Variants in ANO10 observed in about 807,000 individuals in gnomAD.
ANO10 encodes anoctamin-10.
ANO10 carries 77 observed loss-of-function variants against 74.7 expected under a neutral mutation model. The observed-to-expected ratio is 1.03, with a 90% CI of 0.86 to 1.25. The LOEUF (loss-of-function observed/expected upper bound fraction) is 1.25, where lower values mean the gene tolerates loss of function less well. ANO10 is among the 50% of genes most tolerant of loss of function. ANO10 has a pLI of 0.00. For synonymous variants in ANO10, 279 were observed against 284.9 expected, an observed-to-expected ratio of 0.98 and a Z score of 0.21; for missense variants, 721 against 778.1, an observed-to-expected ratio of 0.93 and a Z score of 0.87.
intron 11 of ANO10, among the ~76,000 whole-genome samples, chr3:43,488,304 A>C (rs1157809547): frequency 6.7e-5 from 10 of 150,124 alleles, no homozygotes; most frequent in African/African-American, 1.5e-4. Flanking sequence ...GCAACAAAAG[A>C]CAAAATTGAC....
chr3:43,563,887 CGAGAGGTACAAACATACAATTA>C (rs2080177880), intron 8 of ANO10, among the ~76,000 whole-genome samples: 2 of 151,778 alleles, frequency 1.3e-5, no homozygotes, highest in African/African-American at 4.8e-5. Context: ...AGAAGCTGAT[CGAGAGGTACAAACATACAATTA>C]GAGAGAAGAA....
chr3:43,432,603 G>GCT lies in ANO10; in HGVS notation c.1914+6_1914+7dup. The stretch of plus-strand genomic sequence containing the variant: ...CAATACATACATTTTCAGGACAGCT[G>GCT]CTCTCACCTGCTGCTTGAGTGCCTC... On this transcript the variant is annotated splice_region_variant and intron_variant, in intron 12 of 12. Transcript: ENST00000292246. 6.3e-7 allele frequency: 1 copy of GCT among 1,583,458 alleles called. No individual in the cohort carries two copies.
At chr3:43,407,035 CTGGG>C (rs1188719050) in intron 12 of ANO10, among the ~76,000 whole-genome samples, 1 of 152,084 alleles carries the variant, frequency 6.6e-6, no homozygotes, top group Non-Finnish European at 1.5e-5. Flanking sequence ...TCCCAAGTAG[CTGGG>C]ACTACAGGCA....
chr3:43,507,505 G>T (rs1212510963), intron 11 of ANO10, among the ~76,000 whole-genome samples: 2 of 152,072 alleles, frequency 1.3e-5, no homozygotes, highest in African/African-American at 4.8e-5. Context: ...GTCCCTGGAA[G>T]TTTAGAAGCA....
intron 7 of ANO10, among the ~76,000 whole-genome samples, chr3:43,571,635 T>C (rs1275374959): frequency 5.6e-5 from 8 of 143,438 alleles, no homozygotes; most frequent in Admixed American, 1.5e-4. Flanking sequence ...AACTGAACAA[T>C]GAGATCACAT....
chr3:43,608,507 C>T (rs1409498988), intron 1 of ANO10, among the ~76,000 whole-genome samples: 1 of 152,114 alleles, frequency 6.6e-6, no homozygotes, highest in Non-Finnish European at 1.5e-5. Context: ...TCGAGTGATC[C>T]TTTAGCCTTG....
intron 10 of ANO10, among the ~76,000 whole-genome samples, chr3:43,552,238 G>A (rs1252474695): frequency 6.6e-6 from 1 of 152,044 alleles, no homozygotes; most frequent in Non-Finnish European, 1.5e-5. Flanking sequence ...TCTTGATATA[G>A]GGAAAAGAAT....
intron 11 of ANO10, among the ~76,000 whole-genome samples, chr3:43,498,732 GC>G (rs2076998942): frequency 6.6e-6 from 1 of 152,128 alleles, no homozygotes; most frequent in South Asian, 2.1e-4. Flanking sequence ...TTATTCTTGC[GC>G]ATCCCCAGGG....
intron 12 of ANO10, among the ~76,000 whole-genome samples, chr3:43,391,952 A>G (rs938959356): frequency 6.6e-6 from 1 of 152,200 alleles, no homozygotes; most frequent in Non-Finnish European, 1.5e-5. Flanking sequence ...GCAATAGATA[A>G]TATGGGATGG....
At chr3:43,674,754 G>T (rs2084100606) in intron 1 of ANO10, among the ~76,000 whole-genome samples, 2 of 152,182 alleles carry the variant, frequency 1.3e-5, no homozygotes, top group African/African-American at 4.8e-5. Context: ...GCCACAGGGA[G>T]TTCTGGAGCA....
chr3:43,462,015 T>A (rs2075399604), intron 11 of ANO10, among the ~76,000 whole-genome samples: 1 of 152,130 alleles, frequency 6.6e-6, no homozygotes, highest in Non-Finnish European at 1.5e-5. Context: ...TAGGCTGAGG[T>A]GGACTCAGAT....
intron 1 of ANO10, chr3:43,637,511 A>G (rs995011617): frequency 6.6e-6 from 1 of 152,164 alleles, no homozygotes; most frequent in Non-Finnish European, 1.5e-5. Flanking sequence ...CCAATTAAAA[A>G]CAATAGCATC....
intron 4 of ANO10, among the ~76,000 whole-genome samples, chr3:43,597,601 G>A (rs1471038654): frequency 3.3e-5 from 5 of 152,110 alleles, no homozygotes; most frequent in African/African-American, 1.2e-4. Flanking sequence ...ATCACACACC[G>A]GGGCCTGTTG....
rs568979794 is a variant in ANO10 at position 43,401,523 on chromosome 3, A to T, written c.1914+31088T>A. 8.3e-3 allele frequency among the ~76,000 whole-genome samples: 1,261 copies of T among 152,318 alleles called. 9 individuals are homozygous for T. Among genetic ancestry groups the T allele is most frequent in the Non-Finnish European group, 0.011 (778 of 68,024 alleles). On this transcript the variant is annotated intron_variant, in intron 12 of 12. Transcript: ENST00000292246. ...TTAATTTTGATCTAGCTGCTTACAC[A>T]CAGTTTTAATTCATTCAGTCATTTC... is the stretch of plus-strand genomic sequence containing the variant.
intron 12 of ANO10, among the ~76,000 whole-genome samples, chr3:43,381,720 T>G (rs1055526078): frequency 3.9e-5 from 6 of 152,186 alleles, no homozygotes; most frequent in Non-Finnish European, 8.8e-5. Flanking sequence ...ACAAATGGAC[T>G]TAACAGATAT....
chr3:43,519,427 C>T (rs1435129770), intron 11 of ANO10, among the ~76,000 whole-genome samples: 1 of 152,126 alleles, frequency 6.6e-6, no homozygotes, highest in Non-Finnish European at 1.5e-5. Flanking sequence ...TCAAGATACT[C>T]TAACTAAGAT....
chr3:43,372,230 G>A (rs1289102420), intron 12 of ANO10, among the ~76,000 whole-genome samples: 2 of 151,964 alleles, frequency 1.3e-5, no homozygotes, highest in East Asian at 3.9e-4. Context: ...ATGGAACTTC[G>A]GCCATCTCTG....
intron 12 of ANO10, 52 bp from the exon 13 acceptor site, chr3:43,367,026 C>T (rs765756827): frequency 1.2e-5 from 19 of 1,526,816 alleles, no homozygotes; most frequent in Non-Finnish European, 1.6e-5. Flanking sequence ...TAAGTAGTGG[C>T]CGAGGCCTCT....
At chr3:43,588,827 T>C (rs2081593299) in intron 4 of ANO10, among the ~76,000 whole-genome samples, 1 of 152,198 alleles carries the variant, frequency 6.6e-6, no homozygotes, top group Non-Finnish European at 1.5e-5. Context: ...AAGATCTTTA[T>C]GCAGCCAAAA....
Sources: gnomAD v4.1 joint callset for allele counts (sites outside exome capture counted in the v4.1 genomes callset) on GRCh38, gnomAD v4.1.1 for gene constraint, MANE v1.5 for transcripts, NCBI Gene and HGNC (gene_info 2026-07-23, HGNC 2026-07-21) for gene names.